The following RBFOX1 variants were observed in gnomAD, a reference collection of about 807,000 sequenced individuals.
The protein encoded by RBFOX1 is RNA binding fox-1 homolog 1.
Under a neutral mutation model 57.7 loss-of-function variants are expected in RBFOX1, and 8 were observed. The observed-to-expected ratio is 0.14, with a 90% CI of 0.08 to 0.25. The LOEUF (loss-of-function observed/expected upper bound fraction) is 0.25, where lower values mean the gene tolerates loss of function less well. RBFOX1 is among the 10% of genes least tolerant of loss of function. The pLI, the probability that RBFOX1 is intolerant of heterozygous loss-of-function variation, is 1.00. For synonymous variants in RBFOX1, 326 were observed against 222.4 expected, an observed-to-expected ratio of 1.47 and a Z score of -4.15; for missense variants, 611 against 548.5, an observed-to-expected ratio of 1.11 and a Z score of -1.14.
chr16:5,843,017 C>CG (rs373221140), intron 3 of RBFOX1, among the ~76,000 whole-genome samples: 2 of 151,870 alleles, frequency 1.3e-5, no homozygotes, highest in East Asian at 1.9e-4. Flanking sequence ...TTAGTAGAGA[C>CG]GGGGTTTCAC....
rs1322849561 is a variant in RBFOX1, at chr16:6,184,027, G to A, written c.-126-132968G>A. Among the ~76,000 whole-genome samples the A allele has an allele frequency of 3.9e-5, 6 of 152,288 alleles. No individual in the cohort carries two copies. In the East Asian group the frequency reaches 5.8e-4, roughly 15 times the overall value. ...ACATGGCTGGGGAGACCGCACAATC[G>A]TGCCAGAAGGCAAAAGGCATGTTTT... is the stretch of plus-strand genomic sequence containing the variant. On this transcript the variant is annotated intron_variant, in intron 1 of 15. Transcript: ENST00000550418.
intron 1 of RBFOX1, among the ~76,000 whole-genome samples, chr16:5,456,525 C>A (rs969541405): frequency 6.6e-6 from 1 of 152,254 alleles, no homozygotes; most frequent in East Asian, 1.9e-4. Flanking sequence ...CTGATTGATA[C>A]CACTTATTTA....
intron 3 of RBFOX1, among the ~76,000 whole-genome samples, chr16:6,869,725 A>G (rs2060545118): frequency 6.6e-6 from 1 of 152,178 alleles, no homozygotes; most frequent in Non-Finnish European, 1.5e-5. Context: ...GTGACTCTAG[A>G]GAACCGTGTT....
intron 1 of RBFOX1, among the ~76,000 whole-genome samples, chr16:5,380,183 C>G (rs2066095977): frequency 6.6e-6 from 1 of 152,210 alleles, no homozygotes; most frequent in African/African-American, 2.4e-5. Flanking sequence ...CCGCCTGGCT[C>G]CACTTCCTGG....
intron 3 of RBFOX1, among the ~76,000 whole-genome samples, chr16:5,658,842 A>AAT (rs1375116673): frequency 5.4e-5 from 8 of 148,372 alleles, no homozygotes; most frequent in Non-Finnish European, 8.9e-5. Context: ...GTATATATAT[A>AAT]ATATATGTAT....
At chr16:6,044,083 T>G (rs896536127) in intron 1 of RBFOX1, among the ~76,000 whole-genome samples, 4 of 152,314 alleles carry the variant, frequency 2.6e-5, no homozygotes, top group Middle Eastern at 3.4e-3. Context: ...CTAATCCTAA[T>G]TTGAGTATGC....
intron 3 of RBFOX1, among the ~76,000 whole-genome samples, chr16:6,799,413 G>A (rs941086812): frequency 3.3e-5 from 5 of 152,142 alleles, no homozygotes; most frequent in Non-Finnish European, 7.4e-5. Context: ...CTAATAAGGC[G>A]TGAGTTATTC....
At chr16:7,581,787 G>A (rs1567945401) in intron 6 of RBFOX1, among the ~76,000 whole-genome samples, 1 of 152,040 alleles carries the variant, frequency 6.6e-6, no homozygotes, top group Non-Finnish European at 1.5e-5. Context: ...TGTGATCACG[G>A]CTCACTGCAA....
At chr16:5,309,169 C>G (rs748539146) in intron 1 of RBFOX1, among the ~76,000 whole-genome samples, 3 of 152,178 alleles carry the variant, frequency 2.0e-5, no homozygotes, top group African/African-American at 7.2e-5. Context: ...CCTTTACTGT[C>G]ATTTTATTGG....
At chr16:7,281,342 A>G (rs143208091) in intron 4 of RBFOX1, among the ~76,000 whole-genome samples, 1 of 151,478 alleles carries the variant, frequency 6.6e-6, no homozygotes, top group Non-Finnish European at 1.5e-5. Flanking sequence ...CTTGGGGGGT[A>G]GTTTAGCATA....
intron 1 of RBFOX1, among the ~76,000 whole-genome samples, chr16:6,074,134 G>A (rs2095868416): frequency 6.6e-6 from 1 of 152,040 alleles, no homozygotes; most frequent in Non-Finnish European, 1.5e-5. Flanking sequence ...AGTTTTAGTA[G>A]AGACAGGATT....
chr16:6,237,847 A>C (rs965513048), intron 1 of RBFOX1, among the ~76,000 whole-genome samples: 1 of 152,140 alleles, frequency 6.6e-6, no homozygotes, highest in Non-Finnish European at 1.5e-5. Context: ...TAATCCCAGC[A>C]CTTTGGGAGG....
chr16:7,047,517 T>C (rs567412610), intron 3 of RBFOX1, among the ~76,000 whole-genome samples: 4 of 152,248 alleles, frequency 2.6e-5, no homozygotes, highest in African/African-American at 9.6e-5. Flanking sequence ...ATGACTGTGA[T>C]ATATGTGGTT....
intron 3 of RBFOX1, among the ~76,000 whole-genome samples, chr16:6,960,197 A>G (rs1411916564): frequency 6.6e-6 from 1 of 152,088 alleles, no homozygotes; most frequent in Non-Finnish European, 1.5e-5. Context: ...GCAGGAGACA[A>G]GAGAAGGATA....
chr16:5,599,267 C>T, exon 3 of RBFOX1: 1 of 658,296 alleles, frequency 1.5e-6, no homozygotes. Context: ...GCAAATTGGT[C>T]CCTCTGCGCC....
intron 3 of RBFOX1, among the ~76,000 whole-genome samples, chr16:5,693,720 T>G (rs1331554041): frequency 6.6e-6 from 1 of 152,206 alleles, no homozygotes; most frequent in Non-Finnish European, 1.5e-5. Flanking sequence ...AGTGACTTCC[T>G]CTTTCCCATT....
intron 4 of RBFOX1, among the ~76,000 whole-genome samples, chr16:7,397,894 A>G (rs8059149): frequency 0.015 from 2,238 of 152,160 alleles, 57 homozygotes; most frequent in African/African-American, 0.051. Context: ...TGTAAAACAG[A>G]TGAAACTACC....
intron 1 of RBFOX1, among the ~76,000 whole-genome samples, chr16:5,366,942 C>T (rs1210088280): frequency 1.3e-5 from 2 of 152,060 alleles, no homozygotes; most frequent in African/African-American, 2.4e-5. Context: ...TAGCAGTGGT[C>T]AGACATGGAA....
intron 4 of RBFOX1, among the ~76,000 whole-genome samples, chr16:5,925,590 T>A (rs2058923326): frequency 6.6e-6 from 1 of 152,248 alleles, no homozygotes; most frequent in Non-Finnish European, 1.5e-5. Flanking sequence ...ACATTGTGAA[T>A]GTACTAAATG....
Sources: allele counts gnomAD v4.1 joint callset (sites outside exome capture counted in the v4.1 genomes callset), GRCh38; gene constraint gnomAD v4.1.1; transcripts MANE v1.5; gene names NCBI Gene and HGNC (gene_info 2026-07-23, HGNC 2026-07-21).